RPRD1B: variants seen among roughly 807,000 people sequenced by gnomAD.
RPRD1B encodes the protein regulation of nuclear pre-mRNA domain containing 1B, also known as regulation of nuclear pre-mRNA domain-containing protein 1B.
A neutral mutation model predicts 41.5 loss-of-function variants in RPRD1B; 11 were observed. The ratio of observed to expected loss-of-function variants is 0.27; its 90% CI spans 0.17 to 0.44. The LOEUF (loss-of-function observed/expected upper bound fraction) is 0.44, where lower values mean the gene tolerates loss of function less well. Ranked by LOEUF, RPRD1B falls within the 20% of genes least tolerant of loss-of-function variation. RPRD1B has a pLI of 1.00. For missense variants in RPRD1B, 248 were observed against 389.9 expected, an observed-to-expected ratio of 0.64 and a Z score of 3.06; for synonymous variants, 158 against 155.6, an observed-to-expected ratio of 1.02 and a Z score of -0.12.
chr20:38,046,094 T>C (rs6022612), intron 2 of RPRD1B, among the ~76,000 whole-genome samples: 9 of 152,312 alleles, frequency 5.9e-5, no homozygotes, highest in African/African-American at 1.9e-4. Context: ...AGAGATAGCA[T>C]GAACAAAGGC....
intron 6 of RPRD1B, among the ~76,000 whole-genome samples, chr20:38,087,789 G>C (rs966687284): frequency 1.3e-5 from 2 of 152,194 alleles, no homozygotes; most frequent in African/African-American, 4.8e-5. Flanking sequence ...GAACGTGAAA[G>C]GTGACTGTTA....
intron 2 of RPRD1B, among the ~76,000 whole-genome samples, chr20:38,043,558 C>T (rs1344828827): frequency 1.3e-5 from 2 of 151,412 alleles, no homozygotes; most frequent in African/African-American, 4.9e-5. Context: ...AAGGGAGGGG[C>T]GGGGACATGA....
intron 5 of RPRD1B, among the ~76,000 whole-genome samples, chr20:38,064,790 C>T (rs1481599825): frequency 6.6e-6 from 1 of 152,090 alleles, no homozygotes; most frequent in African/African-American, 2.4e-5. Flanking sequence ...ATAAAGCCAT[C>T]CTGGCTAACA....
intron 2 of RPRD1B, among the ~76,000 whole-genome samples, chr20:38,041,612 C>T (rs1032230887): frequency 6.6e-6 from 1 of 152,142 alleles, no homozygotes; most frequent in Non-Finnish European, 1.5e-5. Flanking sequence ...GAACAGACTA[C>T]TAGAGGAGCT....
At chr20:38,044,181 A>C (rs2074097564) in intron 2 of RPRD1B, among the ~76,000 whole-genome samples, 1 of 152,058 alleles carries the variant, frequency 6.6e-6, no homozygotes, top group Non-Finnish European at 1.5e-5. Context: ...CTCTGGGTAT[A>C]AGCTTCCGAG....
intron 6 of RPRD1B, chr20:38,070,726 T>G: frequency 2.0e-6 from 2 of 982,472 alleles, no homozygotes; most frequent in Non-Finnish European, 2.4e-6. Flanking sequence ...CAGTTTTCCC[T>G]TCTTAACTGT....
chr20:38,059,652 G>T, intron 5 of RPRD1B, 132 bp downstream of exon 5: 2 of 830,618 alleles, frequency 2.4e-6, no homozygotes, highest in Non-Finnish European at 3.5e-6. Flanking sequence ...ACCATCTTGG[G>T]ATTTGCAAAC....
intron 4 of RPRD1B, 65 bp from the exon 5 acceptor site, chr20:38,059,329 T>TC (rs2074273619): frequency 2.0e-6 from 3 of 1,503,006 alleles, no homozygotes; most frequent in Admixed American, 2.3e-5. Flanking sequence ...CTCATTTAAC[T>TC]CCAACTAATT....
chr20:38,041,361 A>G (rs749224606), intron 2 of RPRD1B, among the ~76,000 whole-genome samples: 1 of 152,218 alleles, frequency 6.6e-6, no homozygotes, highest in Non-Finnish European at 1.5e-5. Context: ...GGTCTAAAAT[A>G]TAGTGAAAGG....
chr20:38,090,928 C>G lies in RPRD1B; in HGVS notation c.*1053C>G, dbSNP rs959495757. 3.0e-6 allele frequency: 3 copies of G among 985,318 alleles called. No homozygotes were observed. The African/African-American group carries it at 5.2e-5, about 17-fold the overall frequency. 61.0% of individuals were successfully genotyped at this position (985,318 alleles called of 1,614,324 possible). A position where few individuals can be genotyped will look rare whatever the true frequency, so the allele number is the denominator to read the frequency against. On this transcript the variant is annotated 3_prime_UTR_variant, in exon 7 of 7. Coordinates refer to ENST00000373433, the MANE Select transcript of RPRD1B (RefSeq NM_021215.4). ...GCCACTGCACAGGTCCTTGTCCCCA[C>G]ACGACGGGGAGTACTTGCGTCAGAT...
At position 38,033,881 on chromosome 20, in the gene RPRD1B, T is replaced by A; in HGVS notation, c.-67T>A. 2 of 1,489,484 alleles carry A rather than the reference T, an allele frequency of 1.3e-6. No homozygotes were observed. Among genetic ancestry groups the A allele is most frequent in the Non-Finnish European group, 1.8e-6 (2 of 1,109,952 alleles). 92.3% of individuals were successfully genotyped at this position (1,489,484 alleles called of 1,614,324 possible). A position where few individuals can be genotyped will look rare whatever the true frequency, so the allele number is the denominator to read the frequency against. On this transcript the variant is annotated 5_prime_UTR_variant, in exon 1 of 7. Transcript: ENST00000373433. ...CCTGTCAGGTGAGGCCCCGGCCTCGTGCCGTCGCTCTTCCCGCCGCACTGG... is the reference window on the plus strand; with the variant it reads ...CCTGTCAGGTGAGGCCCCGGCCTCGAGCCGTCGCTCTTCCCGCCGCACTGG...
intron 2 of RPRD1B, among the ~76,000 whole-genome samples, chr20:38,041,167 ATTACT>A (rs1265842873): frequency 1.3e-5 from 2 of 152,216 alleles, no homozygotes; most frequent in Admixed American, 1.3e-4. Flanking sequence ...AGTTTTATAA[ATTACT>A]TTACTTCATG....
At chr20:38,082,050 G>A (rs2074517359) in intron 6 of RPRD1B, among the ~76,000 whole-genome samples, 1 of 152,200 alleles carries the variant, frequency 6.6e-6, no homozygotes, top group Non-Finnish European at 1.5e-5. Context: ...TTTGGTATCA[G>A]AATGATGCTG....
At chr20:38,057,691 C>T in intron 4 of RPRD1B, 47 bp downstream of exon 4, 1 of 1,351,694 alleles carries the variant, frequency 7.4e-7, no homozygotes, top group East Asian at 2.3e-5. Flanking sequence ...TTAAAGTGAC[C>T]TCTAGTTGAA....
At chr20:38,059,675 G>A (rs1477166397) in intron 5 of RPRD1B, among the ~76,000 whole-genome samples, 155 bp downstream of exon 5, 4 of 152,166 alleles carry the variant, frequency 2.6e-5, no homozygotes, top group South Asian at 2.1e-4. Context: ...AACTCACATG[G>A]TGAACAAAGA....
chr20:38,052,788 A>G lies in RPRD1B; in HGVS notation c.415+4307A>G, dbSNP rs139632851. Among the ~76,000 whole-genome samples the G allele has an allele frequency of 7.7e-3, 1,107 of 144,258 alleles. 18 individuals carry two copies. The highest frequency in any genetic ancestry group is 0.025 in the African/African-American group (980 of 38,818). 94.6% of individuals were successfully genotyped at this position (144,258 alleles called of 152,430 possible). A position where few individuals can be genotyped will look rare whatever the true frequency, so the allele number is the denominator to read the frequency against. The stretch of plus-strand genomic sequence containing the variant: ...TTTTTTTTTTTTTTTTTTAAATCAC[A>G]GAAAATTTCAAGTGGATCCTCTAGA... On this transcript the variant is annotated intron_variant, in intron 3 of 6. Transcript: ENST00000373433.
chr20:38,059,275 T>A, intron 4 of RPRD1B, 119 bp from the exon 5 acceptor site: 1 of 1,094,154 alleles, frequency 9.1e-7, no homozygotes, highest in South Asian at 1.7e-5. Flanking sequence ...AACAGTTTTT[T>A]TTAAGAAATG....
rs73298441 is a variant in RPRD1B, at chr20:38,050,614, T to C, written c.415+2133T>C. 3.0e-3 allele frequency among the ~76,000 whole-genome samples: 461 copies of C among 152,326 alleles called. 3 individuals carry two copies. The highest frequency in any genetic ancestry group is 0.011 in the African/African-American group (438 of 41,564). ...GACACATACTTTGAATAAACAGATATGCTAGATGCTATAGGAAAGAGGGAG... is the reference window on the plus strand; with the variant it reads ...GACACATACTTTGAATAAACAGATACGCTAGATGCTATAGGAAAGAGGGAG... On this transcript the variant is annotated intron_variant, in intron 3 of 6. Coordinates refer to ENST00000373433, the MANE Select transcript of RPRD1B (RefSeq NM_021215.4).
chr20:38,080,113 T>C (rs1454170219), intron 6 of RPRD1B, among the ~76,000 whole-genome samples: 1 of 152,266 alleles, frequency 6.6e-6, no homozygotes, highest in African/African-American at 2.4e-5. Flanking sequence ...ATTGTAGATA[T>C]TAGGCCTTTG....
Sources: allele counts gnomAD v4.1 joint callset (sites outside exome capture counted in the v4.1 genomes callset), GRCh38; gene constraint gnomAD v4.1.1; transcripts MANE v1.5; gene names NCBI Gene and HGNC (gene_info 2026-07-23, HGNC 2026-07-21).